Variants in SCAF4 observed in about 807,000 individuals in gnomAD.
SCAF4 encodes the protein SR-related CTD associated factor 4, also known as SR-related and CTD-associated factor 4.
Under a neutral mutation model 129.8 loss-of-function variants are expected in SCAF4, and 25 were observed. The ratio of observed to expected loss-of-function variants is 0.19; its 90% CI spans 0.14 to 0.27. SCAF4 has a LOEUF of 0.27. SCAF4 is among the 10% of genes least tolerant of loss of function. The pLI is 1.00. For missense variants in SCAF4, 1,246 were observed against 1,457.1 expected, an observed-to-expected ratio of 0.86 and a Z score of 2.36; for synonymous variants, 551 against 497.7, an observed-to-expected ratio of 1.11 and a Z score of -1.43.
intron 12 of SCAF4, 98 bp downstream of exon 12, chr21:31,693,188 CACAGTGGT>C (rs2050300375): frequency 2.5e-6 from 2 of 791,856 alleles, no homozygotes; most frequent in Non-Finnish European, 3.6e-6. Context: ...TAAAAATCAA[CACAGTGGT>C]AACATTTCTT....
In SCAF4 at chr21:31,701,895, CTT is replaced by C; in HGVS notation, c.479_480del (p.Lys160SerfsTer4). Reference sequence around the variant, plus strand: ...GCTTGTGTGGGAGGTTCAGAAGAAACTTTTACTGGAGGTGGAGGTGAGCCTAA... The same window carrying C: ...GCTTGTGTGGGAGGTTCAGAAGAAACTTACTGGAGGTGGAGGTGAGCCTAA... The part of the protein sequence containing the change: ...NNEGSPPPPV[K>X]VSSEPPTQAT... On this transcript the variant is annotated frameshift_variant, in exon 6 of 20. Transcript: ENST00000286835. LOFTEE classifies it high-confidence loss of function. The C allele has an allele frequency of 6.2e-7, 1 of 1,613,490 alleles. No homozygotes were observed.
chr21:31,709,361 A>AAAAG (rs1555851528), intron 1 of SCAF4, among the ~76,000 whole-genome samples: 36 of 151,420 alleles, frequency 2.4e-4, no homozygotes, highest in Admixed American at 4.0e-4. Context: ...AAAAAAAAAA[A>AAAAG]AAAGAAAGAA....
At chr21:31,700,938 C>CCATA in intron 7 of SCAF4, 57 bp downstream of exon 7, 1 of 1,536,354 alleles carries the variant, frequency 6.5e-7, no homozygotes. Flanking sequence ...GTGATAATTT[C>CCATA]CATAACTCAA....
chr21:31,706,914 A>G, intron 1 of SCAF4: 1 of 304,372 alleles, frequency 3.3e-6, no homozygotes, highest in Non-Finnish European at 6.3e-6. Flanking sequence ...CCCTCTCTTC[A>G]ATCCAGAGGA....
intron 4 of SCAF4, 148 bp from the exon 5 acceptor site, chr21:31,702,527 T>G (rs2050559556): frequency 1.4e-6 from 1 of 721,878 alleles, no homozygotes; most frequent in African/African-American, 1.8e-5. Flanking sequence ...AAATCAGAAT[T>G]ACAACCTGGT....
At chr21:31,678,674 T>C (rs1006319224) in intron 19 of SCAF4, among the ~76,000 whole-genome samples, 3 of 152,146 alleles carry the variant, frequency 2.0e-5, no homozygotes, top group African/African-American at 4.8e-5. Flanking sequence ...CAACAATCCA[T>C]GCCCCATCTC....
At chr21:31,692,927 C>T (rs1381244415) in intron 12 of SCAF4, among the ~76,000 whole-genome samples, 2 of 152,148 alleles carry the variant, frequency 1.3e-5, no homozygotes, top group African/African-American at 4.8e-5. Context: ...TACATATGCC[C>T]TAGTCATATT....
chr21:31,728,735 T>A lies in SCAF4; in HGVS notation c.30+2928A>T, dbSNP rs77312570. Among the ~76,000 whole-genome samples the A allele has an allele frequency of 4.3e-4, 65 of 152,250 alleles. 1 individual carries two copies. The highest frequency in any genetic ancestry group is 5.1e-4 in the Non-Finnish European group (35 of 68,028). ...TTTCAATTTTCCCCCATCTTTCCCA[T>A]CTGAACTCCTGGATGTCTCCCTCTA... On this transcript the variant is annotated intron_variant, in intron 1 of 19. Coordinates refer to ENST00000286835, the MANE Select transcript of SCAF4 (RefSeq NM_020706.2).
chr21:31,698,272 T>C lies in SCAF4; in HGVS notation c.778-1522A>G, dbSNP rs143992219. Among the ~76,000 whole-genome samples, 24 of 152,326 alleles carry C rather than the reference T, an allele frequency of 1.6e-4. No homozygotes were observed. In the East Asian group the frequency reaches 4.0e-3, roughly 26 times the overall value. The stretch of plus-strand genomic sequence containing the variant: ...AGACAAATTATTTCCAGTGAGAAGC[T>C]TGAAACAGACCTTTTTAGTCAAAAG... On this transcript the variant is annotated intron_variant, in intron 7 of 19. Transcript: ENST00000286835.
chr21:31,715,419 T>C (rs1419906946), intron 1 of SCAF4, among the ~76,000 whole-genome samples: 1 of 152,136 alleles, frequency 6.6e-6, no homozygotes, highest in Non-Finnish European at 1.5e-5. Flanking sequence ...AGGTAATATA[T>C]TTACAGGTTT....
intron 1 of SCAF4, among the ~76,000 whole-genome samples, chr21:31,712,222 C>CTTTTTTT (rs11408552): frequency 1.5e-5 from 2 of 135,442 alleles, no homozygotes; most frequent in African/African-American, 5.6e-5. Flanking sequence ...TTGTTTGTTG[C>CTTTTTTT]TTTTTTTTTT....
At chr21:31,696,265 C>T in intron 8 of SCAF4, 44 bp from the exon 9 acceptor site, 1 of 1,450,352 alleles carries the variant, frequency 6.9e-7, no homozygotes, top group Non-Finnish European at 9.7e-7. Flanking sequence ...AAAGCACAAG[C>T]TTCTCAGCCA....
Position 31,701,840 on chromosome 21 carries a change from T to C in SCAF4, c.536A>G (p.Gln179Arg). Residue 179 changes from glutamine to arginine, a missense_variant, in exon 6 of 20, where the codon CAG becomes CGG. Physicochemically the swap from Gln to Arg is conservative, Grantham distance 43. This residue lies in a region of SCAF4 where 143 missense variants were observed against 161.0 expected (regional missense o/e 0.89). Transcript: ENST00000286835. ...ATPNSVPAVP[Q>R]LPSSDAFAAV... Reference sequence around the variant, plus strand: ...AGCAAAAGCATCAGAGCTGGGCAACTGTGGTACAGCTGGGACGGAGTTTGG... The same window carrying C: ...AGCAAAAGCATCAGAGCTGGGCAACCGTGGTACAGCTGGGACGGAGTTTGG... 1.9e-6 allele frequency: 3 copies of C among 1,614,098 alleles called. No individual in the cohort carries two copies. Among genetic ancestry groups the C allele is most frequent in the Non-Finnish European group, 2.5e-6 (3 of 1,180,006 alleles).
chr21:31,700,174 ACACACACT>A (rs1568845143), intron 7 of SCAF4, among the ~76,000 whole-genome samples: 1 of 134,148 alleles, frequency 7.5e-6, no homozygotes, highest in Non-Finnish European at 1.7e-5. Flanking sequence ...GTTAAAATAC[ACACACACT>A]CACACACACA....
chr21:31,727,720 G>A (rs2051242023), intron 1 of SCAF4, among the ~76,000 whole-genome samples: 1 of 151,972 alleles, frequency 6.6e-6, no homozygotes. Context: ...GAACCCAGGA[G>A]GCGGAGGCTG....
In SCAF4 at chr21:31,731,613, C is replaced by T. The variant is rs199964338; in HGVS notation, c.30+50G>A. On this transcript the variant is annotated intron_variant, in intron 1 of 19. Coordinates refer to ENST00000286835, the MANE Select transcript of SCAF4 (RefSeq NM_020706.2). The stretch of plus-strand genomic sequence containing the variant: ...ACCTCCGGCGGCGGGAGAAACGAGC[C>T]CCGGCTCCCGCAGCAGGCCCGGCAC... 49 of 1,577,782 alleles carry T rather than the reference C, an allele frequency of 3.1e-5. No homozygotes were observed. The Admixed American group carries it at 7.5e-4, about 24-fold the overall frequency.
intron 2 of SCAF4, among the ~76,000 whole-genome samples, 153 bp from the exon 3 acceptor site, chr21:31,705,620 A>G (rs959163145): frequency 7.9e-5 from 12 of 152,042 alleles, no homozygotes; most frequent in Non-Finnish European, 1.3e-4. Context: ...TTTAATATTA[A>G]AAAACTCAGA....
chr21:31,672,046 CCCCTGGGCCTGG>C lies in SCAF4; in HGVS notation c.2785_2796del (p.Pro929_Gly932del), dbSNP rs767315322. On this transcript the variant is annotated inframe_deletion, in exon 20 of 20. Transcript: ENST00000286835. Reference sequence around the variant, plus strand: ...TGCCTTCCGTCTCTGTCTTCAGGACCCCCTGGGCCTGGCCCTGGGCCCCCGAGCCCTGGCATT... The same window carrying C: ...TGCCTTCCGTCTCTGTCTTCAGGACCCCCTGGGCCCCCGAGCCCTGGCATT... 1.2e-5 allele frequency: 20 copies of C among 1,613,288 alleles called. No individual in the cohort carries two copies. The highest frequency in any genetic ancestry group is 3.3e-4 in the Middle Eastern group (2 of 6,080).
intron 19 of SCAF4, among the ~76,000 whole-genome samples, chr21:31,674,730 GTTCAT>G (rs2049806544): frequency 1.3e-5 from 2 of 152,130 alleles, no homozygotes; most frequent in African/African-American, 2.4e-5. Flanking sequence ...CAAAGCAATT[GTTCAT>G]TTCATTTGGA....
Sources: allele counts gnomAD v4.1 joint callset (sites outside exome capture counted in the v4.1 genomes callset), GRCh38; gene constraint gnomAD v4.1.1; regional missense constraint gnomAD v4.1.1; transcripts MANE v1.5; gene names NCBI Gene and HGNC (gene_info 2026-07-23, HGNC 2026-07-21).